The following SNX7 variants were observed in gnomAD, a reference collection of about 807,000 sequenced individuals.
The protein encoded by SNX7 is sorting nexin-7.
SNX7 carries 35 observed loss-of-function variants against 48.4 expected under a neutral mutation model. The ratio of observed to expected loss-of-function variants is 0.72; its 90% CI spans 0.55 to 0.96. The LOEUF is 0.96. Among genes scored for constraint, SNX7 ranks in the 40% least tolerant of loss-of-function variants. The probability of loss-of-function intolerance (pLI) is 0.00; values close to 1 mark genes in which losing one functional copy is unlikely to be tolerated. For synonymous variants in SNX7, 190 were observed against 190.2 expected (o/e 1.00, Z 0.01); for missense variants, 553 against 548.9 (o/e 1.01, Z -0.07).
At chr1:98,738,170 A>G in intron 7 of SNX7, 67 bp from the exon 8 acceptor site, 1 of 1,536,258 alleles carries the variant, frequency 6.5e-7, no homozygotes, top group South Asian at 1.2e-5. Flanking sequence ...TTCAACTTAA[A>G]TTTGATGAAT....
intron 7 of SNX7, among the ~76,000 whole-genome samples, chr1:98,732,316 A>T (rs35806712): frequency 0.28 from 41,987 of 151,922 alleles, 6,122 homozygotes; most frequent in Middle Eastern, 0.32. Flanking sequence ...ATGGCCTGTA[A>T]CTTTCTCCAA....
At chr1:98,748,364 G>A (rs752357130) in intron 8 of SNX7, among the ~76,000 whole-genome samples, 2 of 151,844 alleles carry the variant, frequency 1.3e-5, no homozygotes, top group African/African-American at 4.8e-5. Context: ...ATTTGTTCTC[G>A]ATTATCTATG....
chr1:98,739,119 T>A (rs950020457), intron 8 of SNX7, among the ~76,000 whole-genome samples: 3 of 152,120 alleles, frequency 2.0e-5, no homozygotes, highest in Non-Finnish European at 4.4e-5. Context: ...CCTCAGATCA[T>A]CAGCCATTAG....
At position 98,756,932 on chromosome 1, in the gene SNX7, G is replaced by T. The variant is rs140042339; in HGVS notation, c.1279-3122G>T. On this transcript the variant is annotated intron_variant, in intron 8 of 8. Coordinates refer to ENST00000306121, the MANE Select transcript of SNX7 (RefSeq NM_015976.5). Reference sequence around the variant, plus strand: ...AGTTGGGGCTGGTGGAAGGTATTTGGATCATAGTGGTGGATCCCTTATGTA... The same window carrying T: ...AGTTGGGGCTGGTGGAAGGTATTTGTATCATAGTGGTGGATCCCTTATGTA... Among the ~76,000 whole-genome samples, 564 of 152,158 alleles carry T rather than the reference G, an allele frequency of 3.7e-3. 5 individuals carry two copies. The highest frequency in any genetic ancestry group is 0.013 in the African/African-American group (525 of 41,536).
At chr1:98,666,033 A>C (rs573693240) in intron 1 of SNX7, among the ~76,000 whole-genome samples, 1 of 152,292 alleles carries the variant, frequency 6.6e-6, no homozygotes, top group East Asian at 1.9e-4. Flanking sequence ...CTATTCATCT[A>C]TTCTATCAAA....
chr1:98,742,415 G>T (rs4908333), intron 8 of SNX7, among the ~76,000 whole-genome samples: 40,157 of 151,924 alleles, frequency 0.26, 5,628 homozygotes, highest in South Asian at 0.31. Context: ...TGGAGATAGC[G>T]CTGTCCTCTC....
intron 1 of SNX7, 190 bp downstream of exon 1, chr1:98,662,101 C>T (rs1257087696): frequency 1.4e-5 from 7 of 507,578 alleles, no homozygotes; most frequent in Non-Finnish European, 1.8e-5. Flanking sequence ...CGCGTCGCCT[C>T]GGGGCCTCAA....
chr1:98,667,396 G>A (rs1649591726), intron 1 of SNX7, among the ~76,000 whole-genome samples: 1 of 152,044 alleles, frequency 6.6e-6, no homozygotes, highest in Admixed American at 6.6e-5. Flanking sequence ...TTTTATTTGA[G>A]ACAAGGTCTC....
At chr1:98,746,339 C>T (rs1382403330) in intron 8 of SNX7, among the ~76,000 whole-genome samples, 1 of 152,092 alleles carries the variant, frequency 6.6e-6, no homozygotes, top group Non-Finnish European at 1.5e-5. Flanking sequence ...TTTACTTCCA[C>T]TGATAGAGGA....
chr1:98,678,068 T>A (rs1316731597), intron 1 of SNX7, among the ~76,000 whole-genome samples: 1 of 151,476 alleles, frequency 6.6e-6, no homozygotes, highest in Non-Finnish European at 1.5e-5. Context: ...TGAGGCTGGG[T>A]CATTTATAAA....
At chr1:98,698,650 G>T (rs1651583647) in intron 5 of SNX7, 56 bp from the exon 6 acceptor site, 1 of 1,486,962 alleles carries the variant, frequency 6.7e-7, no homozygotes, top group Middle Eastern at 1.8e-4. Context: ...TAGGATACAG[G>T]TATTTTGAAA....
At chr1:98,701,759 T>C (rs1432661050) in intron 6 of SNX7, 58 bp from the exon 7 acceptor site, 2 of 1,138,336 alleles carry the variant, frequency 1.8e-6, no homozygotes, top group Non-Finnish European at 2.5e-6. Flanking sequence ...ATTTTTGCTA[T>C]AGGAAAGATT....
At chr1:98,662,609 G>C in intron 1 of SNX7, 1 of 1,129,812 alleles carries the variant, frequency 8.9e-7, no homozygotes, top group Non-Finnish European at 1.1e-6. Context: ...ATTGACTTGT[G>C]GGGGCTAGTG....
intron 7 of SNX7, among the ~76,000 whole-genome samples, chr1:98,731,151 CT>C (rs368167768): frequency 1.3e-3 from 188 of 143,644 alleles, no homozygotes; most frequent in Middle Eastern, 3.6e-3. Flanking sequence ...GTATTCCTGC[CT>C]TTTTTTTTTT....
intron 7 of SNX7, among the ~76,000 whole-genome samples, chr1:98,704,762 A>G (rs544138954): frequency 2.6e-5 from 4 of 152,238 alleles, no homozygotes; most frequent in African/African-American, 9.6e-5. Context: ...ATTTCTATGG[A>G]GACATTGGGG....
chr1:98,736,911 C>T (rs762083703), intron 7 of SNX7, among the ~76,000 whole-genome samples: 1 of 152,026 alleles, frequency 6.6e-6, no homozygotes, highest in Non-Finnish European at 1.5e-5. Flanking sequence ...ATGGTAGTAA[C>T]ATATAAGGCC....
chr1:98,725,684 G>GA (rs143772600), intron 7 of SNX7, among the ~76,000 whole-genome samples: 9,992 of 152,146 alleles, frequency 0.066, 430 homozygotes, highest in Non-Finnish European at 0.095. Flanking sequence ...GATTCAGGGG[G>GA]AAAACATCCA....
intron 7 of SNX7, among the ~76,000 whole-genome samples, chr1:98,725,834 C>A (rs1422208634): frequency 6.6e-6 from 1 of 152,114 alleles, no homozygotes; most frequent in Non-Finnish European, 1.5e-5. Context: ...GGCTTTTTGG[C>A]TTCAACTATC....
chr1:98,679,306 A>G (rs975939186), intron 1 of SNX7, among the ~76,000 whole-genome samples: 2 of 152,134 alleles, frequency 1.3e-5, no homozygotes, highest in South Asian at 2.1e-4. Context: ...CTATGATTCA[A>G]TTACCTTCCA....
Sources: allele counts gnomAD v4.1 joint callset (sites outside exome capture counted in the v4.1 genomes callset), GRCh38; gene constraint gnomAD v4.1.1; transcripts MANE v1.5; gene names NCBI Gene and HGNC (gene_info 2026-07-23, HGNC 2026-07-21).